Variants in RAPGEF6 observed in about 807,000 individuals in gnomAD.
The protein encoded by RAPGEF6 is PDZ domain containing guanine nucleotide exchange factor (GEF) 2.
Under a neutral mutation model 171.4 loss-of-function variants are expected in RAPGEF6, and 56 were observed. That is an observed-to-expected ratio of 0.33 (90% confidence interval 0.26 to 0.41). The LOEUF (loss-of-function observed/expected upper bound fraction) is 0.41, where lower values mean the gene tolerates loss of function less well. Among genes scored for constraint, RAPGEF6 ranks in the 10% least tolerant of loss-of-function variants. RAPGEF6 has a pLI of 1.00. For missense variants in RAPGEF6, 1,674 were observed against 1,921.4 expected (o/e 0.87, Z 2.41); for synonymous variants, 692 against 650.1 (o/e 1.06, Z -0.98).
At chr5:131,605,319 G>A (rs1480729198) in intron 1 of RAPGEF6, among the ~76,000 whole-genome samples, 1 of 152,160 alleles carries the variant, frequency 6.6e-6, no homozygotes, top group Non-Finnish European at 1.5e-5. Context: ...GCAGAAGAAA[G>A]TGGAAAGAGT....
At chr5:131,623,603 G>A (rs377025320) in intron 1 of RAPGEF6, among the ~76,000 whole-genome samples, 3 of 149,724 alleles carry the variant, frequency 2.0e-5, no homozygotes, top group East Asian at 4.0e-4. Context: ...CTTCTGCCTC[G>A]GCCTCCCAAG....
intron 4 of RAPGEF6, among the ~76,000 whole-genome samples, chr5:131,579,782 C>A (rs537385827): frequency 2.0e-5 from 3 of 152,346 alleles, no homozygotes; most frequent in Admixed American, 6.5e-5. Flanking sequence ...CTGAATGGTG[C>A]ATTTACAATC....
intron 7 of RAPGEF6, among the ~76,000 whole-genome samples, chr5:131,519,320 G>A (rs1302394951): frequency 6.6e-6 from 1 of 152,222 alleles, no homozygotes; most frequent in Admixed American, 6.5e-5. Flanking sequence ...GTCTTTCCAA[G>A]TGACCTTGAA....
chr5:131,511,480 TC>T (rs1469164108), intron 7 of RAPGEF6, among the ~76,000 whole-genome samples: 54 of 73,970 alleles, frequency 7.3e-4, no homozygotes, highest in Middle Eastern at 7.8e-3. Flanking sequence ...AAAAAGATCA[TC>T]TTTTTTTTTT....
At chr5:131,583,145 C>T (rs1461575198) in intron 4 of RAPGEF6, among the ~76,000 whole-genome samples, 3 of 152,160 alleles carry the variant, frequency 2.0e-5, no homozygotes, top group Non-Finnish European at 4.4e-5. Flanking sequence ...TCCATATAAA[C>T]TAACAATAAA....
intron 1 of RAPGEF6, among the ~76,000 whole-genome samples, chr5:131,630,329 G>A (rs557268201): frequency 6.6e-6 from 1 of 152,206 alleles, no homozygotes; most frequent in African/African-American, 2.4e-5. Context: ...TAGACATAAG[G>A]CTATCACACA....
chr5:131,483,664 G>A (rs748901615), intron 15 of RAPGEF6, among the ~76,000 whole-genome samples: 1 of 152,048 alleles, frequency 6.6e-6, no homozygotes, highest in Non-Finnish European at 1.5e-5. Context: ...CGAAACAAAA[G>A]TCAAAACACA....
chr5:131,424,045 A>G lies in RAPGEF6; in HGVS notation c.*3221T>C, dbSNP rs1751286923. ...TACACTCAGTAAAAATACAAAAAGCATACAGAGGCACTGTCTTTCTAAAAG... is the reference window on the plus strand; with the variant it reads ...TACACTCAGTAAAAATACAAAAAGCGTACAGAGGCACTGTCTTTCTAAAAG... On this transcript the variant is annotated 3_prime_UTR_variant, in exon 28 of 28. Coordinates refer to ENST00000509018, the MANE Select transcript of RAPGEF6 (RefSeq NM_016340.6). The G allele has an allele frequency of 6.6e-6, 1 of 152,386 alleles. No individual in the cohort carries two copies. The highest frequency in any genetic ancestry group is 6.5e-5 in the Admixed American group (1 of 15,286). The allele number at this position is 152,386 out of a possible 1,614,324, so 9.4% of individuals were successfully genotyped here.
intron 22 of RAPGEF6, among the ~76,000 whole-genome samples, chr5:131,445,493 C>CTGTG (rs11269268): frequency 0.012 from 1,766 of 147,330 alleles, 9 homozygotes; most frequent in African/African-American, 0.022. Flanking sequence ...AACTCACTCT[C>CTGTG]TGTGTGTGTG....
intron 6 of RAPGEF6, among the ~76,000 whole-genome samples, chr5:131,544,660 T>G (rs187849609): frequency 6.6e-6 from 1 of 152,180 alleles, no homozygotes; most frequent in Non-Finnish European, 1.5e-5. Context: ...TATGTCAAAA[T>G]TGATCAAAAT....
At chr5:131,529,743 T>G (rs1759239790) in intron 6 of RAPGEF6, among the ~76,000 whole-genome samples, 1 of 151,984 alleles carries the variant, frequency 6.6e-6, no homozygotes, top group Non-Finnish European at 1.5e-5. Flanking sequence ...AGACCTTGTC[T>G]CTACAAAAAA....
intron 4 of RAPGEF6, among the ~76,000 whole-genome samples, chr5:131,563,643 C>T (rs552280561): frequency 6.6e-6 from 1 of 152,260 alleles, no homozygotes; most frequent in African/African-American, 2.4e-5. Context: ...GCTGGGACTA[C>T]AGGCATGCAC....
chr5:131,603,790 G>A (rs981013067), intron 2 of RAPGEF6, among the ~76,000 whole-genome samples: 6 of 151,390 alleles, frequency 4.0e-5, no homozygotes, highest in Middle Eastern at 3.4e-3. Flanking sequence ...ATAATTATTT[G>A]GCATACACTA....
chr5:131,459,283 C>T (rs924092432), intron 19 of RAPGEF6, among the ~76,000 whole-genome samples: 1 of 152,242 alleles, frequency 6.6e-6, no homozygotes. Context: ...ATTTCTTTAT[C>T]TCACTGTTTA....
intron 4 of RAPGEF6, among the ~76,000 whole-genome samples, chr5:131,573,020 C>T (rs1045815790): frequency 2.6e-5 from 4 of 152,114 alleles, no homozygotes; most frequent in Admixed American, 6.5e-5. Context: ...GCTCCCAGTG[C>T]GACTCATCCC....
At chr5:131,634,819 G>A in intron 1 of RAPGEF6, 143 bp downstream of exon 1, 1 of 977,100 alleles carries the variant, frequency 1.0e-6, no homozygotes, top group Non-Finnish European at 1.6e-6. Flanking sequence ...CAAGGGCCTG[G>A]GTCAGGGAAG....
chr5:131,497,665 G>A lies in RAPGEF6; in HGVS notation c.1419+778C>T, dbSNP rs139944496. 5.4e-3 allele frequency among the ~76,000 whole-genome samples: 819 copies of A among 152,220 alleles called. 4 individuals are homozygous for A. Among genetic ancestry groups the A allele is most frequent in the African/African-American group, 0.019 (783 of 41,532 alleles). On this transcript the variant is annotated intron_variant, in intron 12 of 27. Coordinates refer to ENST00000509018, the MANE Select transcript of RAPGEF6 (RefSeq NM_016340.6). ...TAAATATATTTAATTCTAAGAAAAA[G>A]GGTGAGAGGTGTGCAAGCCTGTAGT...
At chr5:131,559,825 TTTTC>T (rs1761477953) in intron 5 of RAPGEF6, among the ~76,000 whole-genome samples, 1 of 150,304 alleles carries the variant, frequency 6.7e-6, no homozygotes, top group Non-Finnish European at 1.5e-5. Context: ...GGTAAGCCCC[TTTTC>T]TTTAAGAAAA....
rs1211396459 is a variant in RAPGEF6 at position 131,425,278 on chromosome 5, C to T, written c.*1988G>A. 2 of 152,290 alleles carry T rather than the reference C, an allele frequency of 1.3e-5. No individual in the cohort carries two copies. Among genetic ancestry groups the T allele is most frequent in the Non-Finnish European group, 2.9e-5 (2 of 68,026 alleles). 9.4% of individuals were successfully genotyped at this position (152,290 alleles called of 1,614,324 possible). On this transcript the variant is annotated 3_prime_UTR_variant, in exon 28 of 28. Transcript: ENST00000509018. Reference sequence around the variant, plus strand: ...AAATAAAGACATTATGAAAACAGCACATTTTTCTGGGGAAATGAATATAAA... The same window carrying T: ...AAATAAAGACATTATGAAAACAGCATATTTTTCTGGGGAAATGAATATAAA...
Sources: allele counts gnomAD v4.1 joint callset (sites outside exome capture counted in the v4.1 genomes callset), GRCh38; gene constraint gnomAD v4.1.1; transcripts MANE v1.5; gene names NCBI Gene and HGNC (gene_info 2026-07-23, HGNC 2026-07-21).